COL22A1: variants seen among roughly 807,000 people sequenced by gnomAD.
The protein encoded by COL22A1 is collagen alpha-1(XXII) chain.
A neutral mutation model predicts 248.9 loss-of-function variants in COL22A1; 221 were observed. That is an observed-to-expected ratio of 0.89 (90% CI 0.80 to 0.99). The LOEUF (loss-of-function observed/expected upper bound fraction) is 0.99. Among genes scored for constraint, COL22A1 ranks in the 50% least tolerant of loss-of-function variants. The pLI is 0.00. For synonymous variants in COL22A1, 891 were observed against 793.4 expected (o/e 1.12, Z -2.07); for missense variants, 2,240 against 2,179.0 (o/e 1.03, Z -0.56).
At chr8:138,889,570 G>T (rs528634064) in intron 1 of COL22A1, among the ~76,000 whole-genome samples, 2 of 152,068 alleles carry the variant, frequency 1.3e-5, no homozygotes. Context: ...TTGTGGGGTG[G>T]GGGGAGTGGG....
At chr8:138,765,172 G>A (rs889347881) in intron 16 of COL22A1, among the ~76,000 whole-genome samples, 12 of 152,262 alleles carry the variant, frequency 7.9e-5, no homozygotes, top group African/African-American at 2.9e-4. Context: ...ACCCCAGCTG[G>A]GTGTGCTGGC....
In COL22A1 at chr8:138,802,905, G is replaced by A. The variant is rs747852159; in HGVS notation, c.1524C>T (p.Gly508=). Residue 508 remains glycine, a synonymous_variant, in exon 11 of 65, where the codon GGC becomes GGT. Coordinates refer to ENST00000303045, the MANE Select transcript of COL22A1 (RefSeq NM_152888.3). ...KGDIGAIGPV[G]APGPKGEKGD... Reference sequence around the variant, plus strand: ...CTTTCTCTCCCTTAGGTCCAGGAGCGCCAACCGGCCCAATGGCTCCTATGT... The same window carrying A: ...CTTTCTCTCCCTTAGGTCCAGGAGCACCAACCGGCCCAATGGCTCCTATGT... 87 of 1,613,802 alleles carry A rather than the reference G, an allele frequency of 5.4e-5. No individual in the cohort carries two copies. The highest frequency in any genetic ancestry group is 6.7e-5 in the East Asian group (3 of 44,872).
At chr8:138,742,878 T>C (rs1016902708) in intron 22 of COL22A1, among the ~76,000 whole-genome samples, 2 of 150,898 alleles carry the variant, frequency 1.3e-5, no homozygotes, top group Admixed American at 6.6e-5. Context: ...GTAGTAGTGA[T>C]TGTGATGGTA....
chr8:138,685,687 G>A (rs905953142), intron 37 of COL22A1, among the ~76,000 whole-genome samples: 1 of 152,098 alleles, frequency 6.6e-6, no homozygotes, highest in African/African-American at 2.4e-5. Flanking sequence ...ACAGGGACAA[G>A]ACACCACCAA....
At chr8:138,822,818 C>G (rs1819255101) in intron 6 of COL22A1, among the ~76,000 whole-genome samples, 1 of 152,118 alleles carries the variant, frequency 6.6e-6, no homozygotes, top group African/African-American at 2.4e-5. Context: ...CTCCATGTGC[C>G]CCAGTTCTTT....
At chr8:138,810,846 C>T (rs1818149192) in intron 9 of COL22A1, among the ~76,000 whole-genome samples, 1 of 152,192 alleles carries the variant, frequency 6.6e-6, no homozygotes, top group Non-Finnish European at 1.5e-5. Context: ...AGTTAACTCC[C>T]ACCGTCATCT....
intron 12 of COL22A1, among the ~76,000 whole-genome samples, chr8:138,795,398 A>G (rs1416640402): frequency 1.3e-5 from 2 of 152,218 alleles, no homozygotes; most frequent in African/African-American, 4.8e-5. Context: ...TGTGAAATAA[A>G]GAATGACACA....
chr8:138,811,282 C>T (rs1464852855), intron 9 of COL22A1, among the ~76,000 whole-genome samples: 6 of 151,294 alleles, frequency 4.0e-5, no homozygotes, highest in Non-Finnish European at 2.9e-5. Flanking sequence ...TACACACACA[C>T]ACACACACAC....
At chr8:138,615,917 T>A in intron 55 of COL22A1, 84 bp downstream of exon 55, 1 of 982,116 alleles carries the variant, frequency 1.0e-6, no homozygotes, top group Non-Finnish European at 1.6e-6. Flanking sequence ...CCACCAGCCA[T>A]TGTGGGGCAG....
chr8:138,722,857 G>GT (rs1554601733), intron 25 of COL22A1, among the ~76,000 whole-genome samples: 1 of 125,262 alleles, frequency 8.0e-6, no homozygotes, highest in Non-Finnish European at 1.7e-5. Flanking sequence ...GGGCGGGGGG[G>GT]GGGTGGTGGA....
chr8:138,816,082 A>G (rs1475047541), intron 7 of COL22A1, among the ~76,000 whole-genome samples: 1 of 152,238 alleles, frequency 6.6e-6, no homozygotes, highest in Non-Finnish European at 1.5e-5. Context: ...AACAAAGCCT[A>G]CTTTCAGAGA....
chr8:138,688,386 T>G (rs1826536051), intron 37 of COL22A1, among the ~76,000 whole-genome samples: 1 of 151,990 alleles, frequency 6.6e-6, no homozygotes, highest in African/African-American at 2.4e-5. Flanking sequence ...CCAGGCATGG[T>G]GGCGCACACC....
chr8:138,805,485 A>ATGTGATGGTGGG (rs1817467264), intron 10 of COL22A1, among the ~76,000 whole-genome samples: 1 of 111,006 alleles, frequency 9.0e-6, no homozygotes, highest in African/African-American at 3.8e-5. Context: ...ATGGGATGGC[A>ATGTGATGGTGGG]TGTGATGGTG....
chr8:138,734,061 C>G (rs1381737160), intron 23 of COL22A1, among the ~76,000 whole-genome samples: 2 of 152,182 alleles, frequency 1.3e-5, no homozygotes, highest in Non-Finnish European at 2.9e-5. Flanking sequence ...CGCCCTTGAC[C>G]AGTAGTGGCT....
chr8:138,765,698 A>C lies in COL22A1; in HGVS notation c.1804-3232T>G, dbSNP rs533860011. Reference sequence around the variant, plus strand: ...CTGTTGACACTGTGCAGGTGTGGTCACGCCCAGAGAAAGAGAGAGAGCCAA... The same window carrying C: ...CTGTTGACACTGTGCAGGTGTGGTCCCGCCCAGAGAAAGAGAGAGAGCCAA... On this transcript the variant is annotated intron_variant, in intron 16 of 64. Coordinates refer to ENST00000303045, the MANE Select transcript of COL22A1 (RefSeq NM_152888.3). Among the ~76,000 whole-genome samples, 237 of 152,376 alleles carry C rather than the reference A, an allele frequency of 1.6e-3. 1 individual carries two copies. The highest frequency in any genetic ancestry group is 3.4e-3 in the Middle Eastern group (1 of 294).
intron 30 of COL22A1, among the ~76,000 whole-genome samples, chr8:138,709,379 G>C (rs568102075): frequency 6.6e-6 from 1 of 152,158 alleles, no homozygotes; most frequent in East Asian, 1.9e-4. Context: ...CAAAGACTTG[G>C]AACCAACCCA....
chr8:138,599,114 T>G (rs539323352), intron 60 of COL22A1, among the ~76,000 whole-genome samples: 17 of 152,190 alleles, frequency 1.1e-4, no homozygotes, highest in Non-Finnish European at 2.2e-4. Context: ...AGGCTGAGGC[T>G]GGCAGATCAT....
At chr8:138,647,409 T>C (rs1822300420) in intron 46 of COL22A1, among the ~76,000 whole-genome samples, 2 of 152,208 alleles carry the variant, frequency 1.3e-5, no homozygotes, top group Admixed American at 6.5e-5. Context: ...CACTAAGTTT[T>C]GGAGCAATCT....
intron 6 of COL22A1, among the ~76,000 whole-genome samples, chr8:138,822,863 C>T (rs530387844): frequency 4.7e-4 from 71 of 152,332 alleles, no homozygotes; most frequent in Non-Finnish European, 9.0e-4. Flanking sequence ...CTAGAACTCA[C>T]CATCTCCTCC....
Sources: gnomAD v4.1 joint callset for allele counts (sites outside exome capture counted in the v4.1 genomes callset) on GRCh38, gnomAD v4.1.1 for gene constraint, MANE v1.5 for transcripts, NCBI Gene and HGNC (gene_info 2026-07-23, HGNC 2026-07-21) for gene names.